The following TNFRSF8 variants were observed in gnomAD, a reference collection of about 807,000 sequenced individuals.
The protein encoded by TNFRSF8 is TNF receptor superfamily member 8.
TNFRSF8 carries 26 observed loss-of-function variants against 70.8 expected under a neutral mutation model. The observed-to-expected ratio is 0.37, with a 90% CI of 0.27 to 0.51. The LOEUF is 0.51. Among genes scored for constraint, TNFRSF8 ranks in the 20% least tolerant of loss-of-function variants. TNFRSF8 has a pLI of 0.94. For synonymous variants in TNFRSF8, 356 were observed against 339.2 expected, an observed-to-expected ratio of 1.05 and a Z score of -0.54; for missense variants, 720 against 807.9, an observed-to-expected ratio of 0.89 and a Z score of 1.32.
chr1:12,083,267 C>G (rs746381065), intron 1 of TNFRSF8, among the ~76,000 whole-genome samples: 6 of 152,212 alleles, frequency 3.9e-5, no homozygotes, highest in Non-Finnish European at 8.8e-5. Flanking sequence ...CAGAACTGAA[C>G]ATGCCTTATG....
chr1:12,112,444 C>T lies in TNFRSF8; in HGVS notation c.793+430C>T, dbSNP rs187484109. 1.3e-5 allele frequency among the ~76,000 whole-genome samples: 2 copies of T among 151,466 alleles called. No homozygotes were observed. Among genetic ancestry groups the T allele is most frequent in the East Asian group, 1.9e-4 (1 of 5,148 alleles). On this transcript the variant is annotated intron_variant, in intron 7 of 14. Transcript: ENST00000263932. The surrounding 1 kb of genome is among the most constrained non-coding windows in gnomAD (Gnocchi z 5.3). ...TCACTCCTTCACCCAAGCTGCAGTA[C>T]GGTGGTGGGATCATAGCTCCCTGCA...
intron 1 of TNFRSF8, among the ~76,000 whole-genome samples, chr1:12,072,435 G>A (rs1029831254): frequency 1.3e-5 from 2 of 152,072 alleles, no homozygotes; most frequent in Non-Finnish European, 2.9e-5. Context: ...CTTCTGCCTG[G>A]GTCAGTAGGG....
intron 12 of TNFRSF8, 99 bp downstream of exon 12, chr1:12,126,335 G>A (rs519713): frequency 0.033 from 46,135 of 1,396,972 alleles, 1,694 homozygotes; most frequent in African/African-American, 0.15. Context: ...TTCTACCCCA[G>A]CCTCGAAGCT....
Position 12,111,063 on chromosome 1 carries a change from T to TA in TNFRSF8, c.677-827dup, listed in dbSNP as rs1385965283. Reference sequence around the variant, plus strand: ...TTTCCTTTCTCTTGGGTTGGTTTTGTAAAAAAAATGGATTTGTGGGACTTC... The same window carrying TA: ...TTTCCTTTCTCTTGGGTTGGTTTTGTAAAAAAAAATGGATTTGTGGGACTTC... On this transcript the variant is annotated intron_variant, in intron 6 of 14. Transcript: ENST00000263932. Among the ~76,000 whole-genome samples, 6 of 152,062 alleles carry TA rather than the reference T, an allele frequency of 3.9e-5. 1 individual carries two copies. The highest frequency in any genetic ancestry group is 3.3e-4 in the Admixed American group (5 of 15,254).
At chr1:12,093,991 G>A (rs1483786667) in intron 2 of TNFRSF8, among the ~76,000 whole-genome samples, 4 of 150,894 alleles carry the variant, frequency 2.7e-5, no homozygotes, top group South Asian at 2.1e-4. Context: ...CCTGGGAGGC[G>A]GAGGTTGCAG....
At chr1:12,115,812 G>T (rs983808591) in intron 8 of TNFRSF8, 83 bp downstream of exon 8, 1 of 1,509,226 alleles carries the variant, frequency 6.6e-7, no homozygotes, top group Non-Finnish European at 9.0e-7. Context: ...AACAGCCAGG[G>T]GTGGAGGCAA....
At chr1:12,130,315 G>A (rs1051337067) in intron 12 of TNFRSF8, among the ~76,000 whole-genome samples, 9 of 152,264 alleles carry the variant, frequency 5.9e-5, no homozygotes, top group Admixed American at 3.9e-4. Context: ...TTATTTTGGT[G>A]CTCAAATGGT....
intron 1 of TNFRSF8, among the ~76,000 whole-genome samples, chr1:12,078,332 G>A (rs1307217969): frequency 2.0e-5 from 3 of 152,170 alleles, no homozygotes; most frequent in African/African-American, 7.2e-5. Flanking sequence ...GGGAGGCTGA[G>A]GTGGGTGGCT....
intron 2 of TNFRSF8, among the ~76,000 whole-genome samples, chr1:12,096,355 A>G (rs1265540380): frequency 6.6e-6 from 1 of 151,746 alleles, no homozygotes; most frequent in African/African-American, 2.4e-5. Context: ...TGGAAGAAGA[A>G]GTGTTAGTGT....
At chr1:12,080,418 C>G (rs924557532) in intron 1 of TNFRSF8, 21 of 526,812 alleles carry the variant, frequency 4.0e-5, no homozygotes, top group Non-Finnish European at 6.4e-5. Flanking sequence ...GCTTTAACAT[C>G]CACAGTGAAT....
chr1:12,118,903 C>T (rs972522903), intron 8 of TNFRSF8, among the ~76,000 whole-genome samples: 4 of 152,026 alleles, frequency 2.6e-5, no homozygotes, highest in East Asian at 1.9e-4. Context: ...CTCACTCTGT[C>T]GCCCAGGCTG....
intron 3 of TNFRSF8, 75 bp downstream of exon 3, chr1:12,097,292 T>C (rs2100986225): frequency 2.7e-6 from 3 of 1,092,164 alleles, no homozygotes; most frequent in Non-Finnish European, 4.2e-6. Context: ...GTGAAGAATC[T>C]GGAAGGTGGA....
At chr1:12,124,896 G>A (rs1641907473) in intron 10 of TNFRSF8, among the ~76,000 whole-genome samples, 1 of 143,038 alleles carries the variant, frequency 7.0e-6, no homozygotes, top group Non-Finnish European at 1.6e-5. Flanking sequence ...ACCCCCAAGA[G>A]TTAGCTCTTA....
intron 1 of TNFRSF8, among the ~76,000 whole-genome samples, chr1:12,068,464 T>A (rs750719869): frequency 1.4e-4 from 21 of 152,060 alleles, no homozygotes; most frequent in Non-Finnish European, 2.8e-4. Context: ...AAAAGGCAGC[T>A]CTCGGCCATA....
At position 12,108,136 on chromosome 1, in the gene TNFRSF8, T is replaced by C. The variant is rs919709012; in HGVS notation, c.422-1430T>C. Among the ~76,000 whole-genome samples, 7 of 150,370 alleles carry C rather than the reference T, an allele frequency of 4.7e-5. No individual in the cohort carries two copies. The highest frequency in any genetic ancestry group is 1.7e-4 in the African/African-American group (7 of 40,894). On this transcript the variant is annotated intron_variant, in intron 4 of 14. Coordinates refer to ENST00000263932, the MANE Select transcript of TNFRSF8 (RefSeq NM_001243.5). The surrounding 1 kb of genome is among the most constrained non-coding windows in gnomAD (Gnocchi z 4.0). ...ATCTGTCACCCAGACTAGAGTGCAA[T>C]GGTGTGATCTCAGCTCACTGCAACC... is the stretch of plus-strand genomic sequence containing the variant.
chr1:12,140,318 G>A (rs1317415614), intron 14 of TNFRSF8, among the ~76,000 whole-genome samples: 1 of 152,168 alleles, frequency 6.6e-6, no homozygotes, highest in Non-Finnish European at 1.5e-5. Flanking sequence ...CCTAATGCCA[G>A]CCCAGGGTAG....
chr1:12,063,486 TGAAGTCCACGCGCGCGGCTGA>T lies in TNFRSF8; in HGVS notation c.-109_-89del. 1 of 965,704 alleles carries T rather than the reference TGAAGTCCACGCGCGCGGCTGA, an allele frequency of 1.0e-6. No individual in the cohort carries two copies. The highest frequency in any genetic ancestry group is 3.3e-5 in the East Asian group (1 of 30,234). 59.8% of individuals were successfully genotyped at this position (965,704 alleles called of 1,614,324 possible). ...GCCGCGGCGGGAGTGTGCTGGAGCC[TGAAGTCCACGCGCGCGGCTGA>T]GAACCGCCGGGACCGCACGTGGGCG... On this transcript the variant is annotated 5_prime_UTR_variant, in exon 1 of 15. Transcript: ENST00000263932. The surrounding 1 kb of genome is among the most constrained non-coding windows in gnomAD (Gnocchi z 7.2).
At chr1:12,093,586 G>C (rs1393345184) in intron 2 of TNFRSF8, among the ~76,000 whole-genome samples, 1 of 152,070 alleles carries the variant, frequency 6.6e-6, no homozygotes, top group African/African-American at 2.4e-5. Context: ...CGTTGTCCAG[G>C]CTGGGGTGCA....
chr1:12,106,726 C>G (rs1641530563), intron 4 of TNFRSF8, among the ~76,000 whole-genome samples: 1 of 152,030 alleles, frequency 6.6e-6, no homozygotes, highest in South Asian at 2.1e-4. Context: ...CACCCATAAG[C>G]AGGGGAGAGT....
Sources: allele counts gnomAD v4.1 joint callset (sites outside exome capture counted in the v4.1 genomes callset), GRCh38; gene constraint gnomAD v4.1.1; non-coding constraint Gnocchi (gnomAD v3.1); transcripts MANE v1.5; gene names NCBI Gene and HGNC (gene_info 2026-07-23, HGNC 2026-07-21).